ZEB2: variants seen among roughly 807,000 people sequenced by gnomAD.
ZEB2 encodes the protein zinc finger E-box binding homeobox 2.
A neutral mutation model predicts 99.9 loss-of-function variants in ZEB2; 6 were observed. The observed-to-expected ratio is 0.06, with a 90% CI of 0.03 to 0.12. The LOEUF (loss-of-function observed/expected upper bound fraction) is 0.12, where lower values mean the gene tolerates loss of function less well. Among genes scored for constraint, ZEB2 ranks in the 10% least tolerant of loss-of-function variants. ZEB2 has a pLI of 1.00. For missense variants in ZEB2, 969 were observed against 1,502.8 expected, an observed-to-expected ratio of 0.64 and a Z score of 5.87; for synonymous variants, 517 against 542.5, an observed-to-expected ratio of 0.95 and a Z score of 0.65.
At position 144,385,963 on chromosome 2, in the gene ZEB2, T is replaced by C. The variant is rs1703077526; in HGVS notation, c.*3488A>G. Reference sequence around the variant, plus strand: ...CAATTCATGCTAAGGAAGATGTATGTTTTGTTTAGCTCTTGCGGAGAAATT... The same window carrying C: ...CAATTCATGCTAAGGAAGATGTATGCTTTGTTTAGCTCTTGCGGAGAAATT... On this transcript the variant is annotated 3_prime_UTR_variant, in exon 10 of 10. Coordinates refer to ENST00000627532, the MANE Select transcript of ZEB2 (RefSeq NM_014795.4). 6.6e-6 allele frequency: 1 copy of C among 152,190 alleles called. No homozygotes were observed. The highest frequency in any genetic ancestry group is 1.5e-5 in the Non-Finnish European group (1 of 68,020). 9.4% of individuals were successfully genotyped at this position (152,190 alleles called of 1,614,324 possible).
At chr2:144,448,210 T>C (rs1390075764) in intron 2 of ZEB2, among the ~76,000 whole-genome samples, 1 of 152,196 alleles carries the variant, frequency 6.6e-6, no homozygotes, top group Non-Finnish European at 1.5e-5. Context: ...ACTCCGTTTC[T>C]AAGTTGGATA....
chr2:144,444,617 T>C (rs1170680408), intron 2 of ZEB2, among the ~76,000 whole-genome samples: 1 of 152,228 alleles, frequency 6.6e-6, no homozygotes, highest in African/African-American at 2.4e-5. Context: ...ATTCAAATGA[T>C]AATGAGTGTG....
At chr2:144,476,738 A>T (rs1333400832) in intron 2 of ZEB2, among the ~76,000 whole-genome samples, 1 of 152,222 alleles carries the variant, frequency 6.6e-6, no homozygotes, top group African/African-American at 2.4e-5. Context: ...AATTCAGAAG[A>T]TGCTCCCAAA....
At chr2:144,504,680 G>C (rs1343611972) in intron 2 of ZEB2, 1 of 152,184 alleles carries the variant, frequency 6.6e-6, no homozygotes, top group African/African-American at 2.4e-5. Flanking sequence ...GGCTTTTCAC[G>C]TGTAATACCT....
At position 144,399,803 on chromosome 2, in the gene ZEB2, T is replaced by C; in HGVS notation, c.1384A>G (p.Lys462Glu). The C allele has an allele frequency of 2.5e-6, 4 of 1,614,166 alleles. No homozygotes were observed. Among genetic ancestry groups the C allele is most frequent in the Non-Finnish European group, 3.4e-6 (4 of 1,180,032 alleles). The change falls in exon 8 of 10, where the codon AAG becomes GAG. Residue 462 changes from lysine (K) to glutamate (E), a missense_variant. Lys to Glu is a moderately conservative substitution (Grantham distance 56). Around this residue, in one of 8 missense-constraint regions of ZEB2, gnomAD observed 227 missense variants for 278.2 expected, o/e 0.82. Transcript: ENST00000627532. This position sits in a 1 kb window ranked among gnomAD's most constrained non-coding sequence, Gnocchi z 5.6. ...GTATTGTCCACAATCTGTAGAACCT[T>C]TTGTACCTCACTTAAATTACTATTC... ...TMNSNLSEVQ[K>E]VLQIVDNTVS...
chr2:144,483,242 G>T (rs544572744), intron 2 of ZEB2, among the ~76,000 whole-genome samples: 1 of 151,448 alleles, frequency 6.6e-6, no homozygotes, highest in South Asian at 2.1e-4. Flanking sequence ...TTTGAATCCC[G>T]GCTCTTTTTC....
chr2:144,410,663 TTTTC>T (rs1452633565), intron 4 of ZEB2, among the ~76,000 whole-genome samples: 6 of 152,254 alleles, frequency 3.9e-5, no homozygotes, highest in African/African-American at 1.2e-4. Context: ...TTGGCATTCA[TTTTC>T]TTTATTTGTA....
At chr2:144,519,865 T>G (rs983714274) in intron 1 of ZEB2, 74 bp downstream of exon 1, 3 of 377,806 alleles carry the variant, frequency 7.9e-6, no homozygotes, top group African/African-American at 6.4e-5. Flanking sequence ...ATGAGAAAAT[T>G]AGAAAAGGAG....
At chr2:144,511,169 T>A (rs113233865) in intron 2 of ZEB2, among the ~76,000 whole-genome samples, 2,280 of 152,318 alleles carry the variant, frequency 0.015, 56 homozygotes, top group African/African-American at 0.052. Flanking sequence ...TAACTGTTGT[T>A]TCCTAAATGA....
chr2:144,410,029 G>A (rs1043370785), intron 4 of ZEB2, among the ~76,000 whole-genome samples: 2 of 150,548 alleles, frequency 1.3e-5, no homozygotes, highest in South Asian at 2.1e-4. Flanking sequence ...CTCCTGCCTC[G>A]GCCTCCTGTG....
chr2:144,441,208 A>AGAGAGAGAGAGAGAGAGAGAGAGAGAG (rs59338642), intron 2 of ZEB2, among the ~76,000 whole-genome samples: 73 of 145,602 alleles, frequency 5.0e-4, no homozygotes, highest in Non-Finnish European at 7.4e-4. Context: ...AGAGAGAGAG[A>AGAGAGAGAGAGAGAGAGAGAGAGAGAG]ACCTCATGCC....
At chr2:144,473,294 A>G (rs1443395096) in intron 2 of ZEB2, among the ~76,000 whole-genome samples, 1 of 152,200 alleles carries the variant, frequency 6.6e-6, no homozygotes, top group Non-Finnish European at 1.5e-5. Flanking sequence ...ATGGAAAACT[A>G]GGCAGATAGG....
chr2:144,463,687 T>C (rs1450073249), intron 2 of ZEB2: 1 of 151,382 alleles, frequency 6.6e-6, no homozygotes, highest in Non-Finnish European at 1.5e-5. Context: ...AAAAAAATTA[T>C]CTGGGCATGG....
chr2:144,468,822 A>C (rs1704311285), intron 2 of ZEB2, among the ~76,000 whole-genome samples: 1 of 152,060 alleles, frequency 6.6e-6, no homozygotes, highest in Non-Finnish European at 1.5e-5. Context: ...TTCATTATTC[A>C]CATGCTACAT....
chr2:144,482,530 AATCCCTTAAAAC>A (rs1368361731), intron 2 of ZEB2, among the ~76,000 whole-genome samples: 1 of 152,120 alleles, frequency 6.6e-6, no homozygotes, highest in Admixed American at 6.5e-5. Context: ...TCAATGTCTG[AATCCCTTAAAAC>A]ATCCCTTTCA....
chr2:144,496,375 T>C (rs747001785), intron 2 of ZEB2: 3 of 152,236 alleles, frequency 2.0e-5, no homozygotes, highest in Non-Finnish European at 4.4e-5. Flanking sequence ...ATGTAGCACA[T>C]TCTAGGATTA....
At position 144,389,200 on chromosome 2, in the gene ZEB2, A is replaced by G; in HGVS notation, c.*251T>C. ...TTAAAGTATAAATGCTATTAAACAC[A>G]GGAATTAGTCTCTGAACCACACAGT... On this transcript the variant is annotated 3_prime_UTR_variant, in exon 10 of 10. Coordinates refer to ENST00000627532, the MANE Select transcript of ZEB2 (RefSeq NM_014795.4). The surrounding 1 kb of genome is among the most constrained non-coding windows in gnomAD (Gnocchi z 6.8). 1.7e-6 allele frequency: 1 copy of G among 596,934 alleles called. No individual in the cohort carries two copies. The highest frequency in any genetic ancestry group is 3.0e-6 in the Non-Finnish European group (1 of 338,164). The allele number at this position is 596,934 out of a possible 1,614,324, so 37.0% of individuals were successfully genotyped here. A position where few individuals can be genotyped will look rare whatever the true frequency, so the allele number is the denominator to read the frequency against.
rs1369516920 is a variant in ZEB2 at position 144,384,851 on chromosome 2, G to T, written c.*4600C>A. 1 of 151,750 alleles carries T rather than the reference G, an allele frequency of 6.6e-6. No individual in the cohort carries two copies. Among genetic ancestry groups the T allele is most frequent in the Non-Finnish European group, 1.5e-5 (1 of 67,928 alleles). The allele number at this position is 151,750 out of a possible 1,614,324, so 9.4% of individuals were successfully genotyped here. A position where few individuals can be genotyped will look rare whatever the true frequency, so the allele number is the denominator to read the frequency against. Reference sequence around the variant, plus strand: ...TCAGTCTGAATCTTTTTTTATGATGGGCACAAGCCATGTATTTTCTTCATC... The same window carrying T: ...TCAGTCTGAATCTTTTTTTATGATGTGCACAAGCCATGTATTTTCTTCATC... On this transcript the variant is annotated 3_prime_UTR_variant, in exon 10 of 10. Coordinates refer to ENST00000627532, the MANE Select transcript of ZEB2 (RefSeq NM_014795.4).
chr2:144,412,851 G>A lies in ZEB2; in HGVS notation c.404-7827C>T, dbSNP rs890602439. Among the ~76,000 whole-genome samples, 8 of 152,228 alleles carry A rather than the reference G, an allele frequency of 5.3e-5. No homozygotes were observed. In the South Asian group the frequency reaches 6.2e-4, roughly 12 times the overall value. The stretch of plus-strand genomic sequence containing the variant: ...CATCCCATCGTAATCTTTCTCTTAC[G>A]TGTCTGTGAGCTGATAAAAGAATGA... On this transcript the variant is annotated intron_variant, in intron 4 of 9. Coordinates refer to ENST00000627532, the MANE Select transcript of ZEB2 (RefSeq NM_014795.4).
Sources: allele counts gnomAD v4.1 joint callset (sites outside exome capture counted in the v4.1 genomes callset), GRCh38; gene constraint gnomAD v4.1.1; regional missense constraint gnomAD v4.1.1; non-coding constraint Gnocchi (gnomAD v3.1); transcripts MANE v1.5; gene names NCBI Gene and HGNC (gene_info 2026-07-23, HGNC 2026-07-21).